The following TMEM178B variants were observed in gnomAD, a reference collection of about 807,000 sequenced individuals.
TMEM178B encodes transmembrane protein 178B.
In TMEM178B, 5 loss-of-function variants were observed where a neutral mutation model predicts 31.0. The ratio of observed to expected loss-of-function variants is 0.16; its 90% confidence interval spans 0.08 to 0.34. The LOEUF (loss-of-function observed/expected upper bound fraction) is 0.34, where lower values mean the gene tolerates loss of function less well. Ranked by LOEUF, TMEM178B falls within the 10% of genes least tolerant of loss-of-function variation. The probability of loss-of-function intolerance (pLI) is 1.00; values close to 1 mark genes in which losing one functional copy is unlikely to be tolerated. For synonymous variants in TMEM178B, 164 were observed against 164.0 expected, an observed-to-expected ratio of 1.00 and a Z score of 0.00; for missense variants, 275 against 400.3, an observed-to-expected ratio of 0.69 and a Z score of 2.67.
chr7:141,384,134 G>A (rs1284749693), intron 2 of TMEM178B, among the ~76,000 whole-genome samples: 2 of 152,150 alleles, frequency 1.3e-5, no homozygotes, highest in Admixed American at 6.6e-5. Context: ...TGTCAGACGA[G>A]TAGATTGCAA....
At chr7:141,151,672 G>A (rs952766015) in intron 1 of TMEM178B, among the ~76,000 whole-genome samples, 2 of 152,156 alleles carry the variant, frequency 1.3e-5, no homozygotes, top group African/African-American at 4.8e-5. Flanking sequence ...CTCAGTGGGA[G>A]GGGAAGGCCA....
intron 2 of TMEM178B, among the ~76,000 whole-genome samples, chr7:141,373,653 C>G (rs765286124): frequency 7.2e-5 from 11 of 152,144 alleles, no homozygotes; most frequent in African/African-American, 2.7e-4. Context: ...CCCTCCACCC[C>G]CCCAACACAC....
intron 1 of TMEM178B, among the ~76,000 whole-genome samples, chr7:141,148,178 A>G (rs1795886008): frequency 6.6e-6 from 1 of 152,014 alleles, no homozygotes; most frequent in Admixed American, 6.5e-5. Context: ...TATCACTCCA[A>G]CCACTGTTTC....
chr7:141,374,465 A>T (rs1800175951), intron 2 of TMEM178B, among the ~76,000 whole-genome samples: 1 of 152,146 alleles, frequency 6.6e-6, no homozygotes, highest in Non-Finnish European at 1.5e-5. Context: ...CATTGTGTGC[A>T]TTGGAGTGGA....
intron 2 of TMEM178B, among the ~76,000 whole-genome samples, chr7:141,388,548 C>T (rs968622220): frequency 1.3e-5 from 2 of 152,186 alleles, no homozygotes; most frequent in Non-Finnish European, 2.9e-5. Context: ...CCCTCAGCCT[C>T]CACACCCATT....
intron 2 of TMEM178B, among the ~76,000 whole-genome samples, chr7:141,321,827 A>G (rs1009698408): frequency 1.4e-5 from 2 of 144,748 alleles, no homozygotes; most frequent in Admixed American, 6.9e-5. Flanking sequence ...GTCCAACATT[A>G]AAAAAAAAAA....
At chr7:141,146,920 C>A (rs752847174) in intron 1 of TMEM178B, among the ~76,000 whole-genome samples, 4 of 152,206 alleles carry the variant, frequency 2.6e-5, no homozygotes, top group Non-Finnish European at 5.9e-5. Context: ...GCAGCTGGAT[C>A]ACCATCTGTC....
chr7:141,112,366 C>A (rs948711412), intron 1 of TMEM178B, among the ~76,000 whole-genome samples: 1 of 152,180 alleles, frequency 6.6e-6, no homozygotes, highest in African/African-American at 2.4e-5. Context: ...AATCCTCTCA[C>A]CTCAGCCTCC....
intron 1 of TMEM178B, among the ~76,000 whole-genome samples, chr7:141,195,416 C>A (rs1796765845): frequency 6.6e-6 from 1 of 152,236 alleles, no homozygotes; most frequent in Non-Finnish European, 1.5e-5. Flanking sequence ...GGCCAAAATT[C>A]TGCCAGTCTC....
In TMEM178B at chr7:141,171,862, G is replaced by A. The variant is rs1401731074; in HGVS notation, c.383-40729G>A. ...TTTGTGAATGAATGAATGAATGAAT[G>A]AATGAAGGGCAATGGCAAGAGGCAT... is the stretch of plus-strand genomic sequence containing the variant. On this transcript the variant is annotated intron_variant, in intron 1 of 3. Transcript: ENST00000565468. The surrounding 1 kb of genome is among the most constrained non-coding windows in gnomAD (Gnocchi z 4.3). Among the ~76,000 whole-genome samples, 1 of 151,982 alleles carries A rather than the reference G, an allele frequency of 6.6e-6. No individual in the cohort carries two copies. Among genetic ancestry groups the A allele is most frequent in the Non-Finnish European group, 1.5e-5 (1 of 67,984 alleles).
chr7:141,478,692 C>T lies in TMEM178B; in HGVS notation c.*7906C>T, dbSNP rs1384057885. 6.6e-6 allele frequency: 1 copy of T among 152,050 alleles called. No homozygotes were observed. Among genetic ancestry groups the T allele is most frequent in the African/African-American group, 2.4e-5 (1 of 41,404 alleles). 9.4% of individuals were successfully genotyped at this position (152,050 alleles called of 1,614,324 possible). A position where few individuals can be genotyped will look rare whatever the true frequency, so the allele number is the denominator to read the frequency against. ...CTGGGATATTTTACATTCTTTTTTCCAAATGAAGTCTTCAAAATCCAATGT... is the reference window on the plus strand; with the variant it reads ...CTGGGATATTTTACATTCTTTTTTCTAAATGAAGTCTTCAAAATCCAATGT... On this transcript the variant is annotated 3_prime_UTR_variant, in exon 4 of 4. Coordinates refer to ENST00000565468, the MANE Select transcript of TMEM178B (RefSeq NM_001195278.2).
chr7:141,217,204 A>AC (rs1797170812), intron 2 of TMEM178B, among the ~76,000 whole-genome samples: 1 of 151,824 alleles, frequency 6.6e-6, no homozygotes. Flanking sequence ...TCCTTGCATG[A>AC]CCCCCAGGAG....
At chr7:141,154,875 G>A (rs146707191) in intron 1 of TMEM178B, among the ~76,000 whole-genome samples, 3,310 of 152,000 alleles carry the variant, frequency 0.022, 57 homozygotes, top group Non-Finnish European at 0.037. Flanking sequence ...GACCACAGGC[G>A]CACACCACCA....
intron 1 of TMEM178B, among the ~76,000 whole-genome samples, chr7:141,179,747 A>G (rs1031260806): frequency 6.6e-6 from 1 of 152,212 alleles, no homozygotes; most frequent in Non-Finnish European, 1.5e-5. Context: ...ATCCTGGACA[A>G]GTGTCCTCTG....
At position 141,122,705 on chromosome 7, in the gene TMEM178B, A is replaced by G. The variant is rs946870291; in HGVS notation, c.382+48013A>G. Among the ~76,000 whole-genome samples, 9 of 152,328 alleles carry G rather than the reference A, an allele frequency of 5.9e-5. No individual in the cohort carries two copies. The East Asian group carries it at 1.5e-3, about 26-fold the overall frequency. On this transcript the variant is annotated intron_variant, in intron 1 of 3. Transcript: ENST00000565468. ...GGAGGAACCATAATATCATGATGGT[A>G]TGGGAGGAAATTATGGATAAGGGCT... is the stretch of plus-strand genomic sequence containing the variant.
intron 1 of TMEM178B, among the ~76,000 whole-genome samples, chr7:141,117,357 G>GT (rs569803355): frequency 2.3e-4 from 35 of 150,888 alleles, no homozygotes; most frequent in South Asian, 2.1e-3. Context: ...CTTTTTGATG[G>GT]TTTTTTTTTC....
chr7:141,360,790 T>G (rs1350410020), intron 2 of TMEM178B, among the ~76,000 whole-genome samples: 1 of 152,184 alleles, frequency 6.6e-6, no homozygotes, highest in Non-Finnish European at 1.5e-5. Flanking sequence ...CATCTGGGAT[T>G]TAGGTTGGAA....
At chr7:141,496,210 A>G in the TMEM178B span, among the ~76,000 whole-genome samples, 1 of 152,062 alleles carries the variant, frequency 6.6e-6, no homozygotes, top group African/African-American at 2.4e-5. Flanking sequence ...TTCCCCTTAT[A>G]GTTGGGACAC....
intron 2 of TMEM178B, among the ~76,000 whole-genome samples, chr7:141,304,970 CA>C (rs2116447505): frequency 6.6e-6 from 1 of 152,282 alleles, no homozygotes; most frequent in South Asian, 2.1e-4. Context: ...CTGATTCTCC[CA>C]AACTTTTTCA....
Sources: allele counts gnomAD v4.1 joint callset (sites outside exome capture counted in the v4.1 genomes callset), GRCh38; gene constraint gnomAD v4.1.1; non-coding constraint Gnocchi (gnomAD v3.1); transcripts MANE v1.5; gene names NCBI Gene and HGNC (gene_info 2026-07-23, HGNC 2026-07-21).